The following CTNNA3 variants were observed in gnomAD, a reference collection of about 807,000 sequenced individuals.
CTNNA3 encodes the protein catenin alpha 3.
In CTNNA3, 76 loss-of-function variants were observed where a neutral mutation model predicts 95.7. The ratio of observed to expected loss-of-function variants is 0.79; its 90% CI spans 0.66 to 0.96. The LOEUF is 0.96. Ranked by LOEUF, CTNNA3 falls within the 40% of genes least tolerant of loss-of-function variation. The probability of loss-of-function intolerance (pLI) is 0.00; values close to 1 mark genes in which losing one functional copy is unlikely to be tolerated. For missense variants in CTNNA3, 1,191 were observed against 1,089.8 expected (o/e 1.09, Z -1.31); for synonymous variants, 431 against 374.4 (o/e 1.15, Z -1.74).
intron 1 of CTNNA3, among the ~76,000 whole-genome samples, chr10:67,710,411 G>A (rs1841100943): frequency 6.6e-6 from 1 of 152,180 alleles, no homozygotes; most frequent in Non-Finnish European, 1.5e-5. Flanking sequence ...TATCCCCATT[G>A]TTACTTATTC....
chr10:67,070,721 T>C (rs1274623187), intron 7 of CTNNA3, among the ~76,000 whole-genome samples: 2 of 150,618 alleles, frequency 1.3e-5, no homozygotes, highest in Non-Finnish European at 3.0e-5. Context: ...CACTCCAGCC[T>C]GGCAACAGAG....
intron 6 of CTNNA3, among the ~76,000 whole-genome samples, chr10:67,194,986 T>C (rs1453987098): frequency 4.6e-5 from 7 of 151,984 alleles, no homozygotes; most frequent in Admixed American, 3.9e-4. Flanking sequence ...CTATAAGGAA[T>C]CTGTACTCCA....
intron 1 of CTNNA3, among the ~76,000 whole-genome samples, chr10:67,714,701 G>A (rs1237918423): frequency 6.6e-6 from 1 of 152,186 alleles, no homozygotes; most frequent in Non-Finnish European, 1.5e-5. Flanking sequence ...GGCCAGGGGT[G>A]AAATAATATG....
At chr10:66,958,437 T>C (rs1319008058) in intron 7 of CTNNA3, among the ~76,000 whole-genome samples, 1 of 142,070 alleles carries the variant, frequency 7.0e-6, no homozygotes, top group Non-Finnish European at 1.5e-5. Flanking sequence ...ACTATAGTTC[T>C]GCCTTTGTAG....
intron 13 of CTNNA3, among the ~76,000 whole-genome samples, chr10:66,169,760 T>A (rs1364935640): frequency 6.6e-6 from 1 of 152,230 alleles, no homozygotes; most frequent in Non-Finnish European, 1.5e-5. Context: ...GATTTGCATT[T>A]CCCTGATCAT....
chr10:66,517,445 C>A (rs891393355), intron 11 of CTNNA3, among the ~76,000 whole-genome samples: 1 of 152,012 alleles, frequency 6.6e-6, no homozygotes, highest in Non-Finnish European at 1.5e-5. Context: ...AAGAAGCCGG[C>A]TAAATCCTAC....
chr10:66,743,471 G>C (rs1849394717), intron 9 of CTNNA3, among the ~76,000 whole-genome samples: 1 of 152,062 alleles, frequency 6.6e-6, no homozygotes, highest in South Asian at 2.1e-4. Flanking sequence ...GACTTTATCT[G>C]GGTTTATCTG....
chr10:66,646,442 A>G lies in CTNNA3; in HGVS notation c.1282-24658T>C, dbSNP rs543642814. Among the ~76,000 whole-genome samples, 3 of 152,264 alleles carry G rather than the reference A, an allele frequency of 2.0e-5. No homozygotes were observed. The South Asian group carries it at 6.2e-4, about 32-fold the overall frequency. On this transcript the variant is annotated intron_variant, in intron 9 of 17. Transcript: ENST00000433211. ...ATAGAAGTGTCAATTTTATTATAATAGTGCTGACCTTTTTTGGGGCAAGTG... is the reference window on the plus strand; with the variant it reads ...ATAGAAGTGTCAATTTTATTATAATGGTGCTGACCTTTTTTGGGGCAAGTG...
chr10:66,252,707 C>T (rs1461863971), intron 13 of CTNNA3, among the ~76,000 whole-genome samples: 3 of 152,000 alleles, frequency 2.0e-5, no homozygotes, highest in Non-Finnish European at 4.4e-5. Context: ...TAAAGTGAAG[C>T]GGGTCTAGTG....
Position 66,479,805 on chromosome 10 carries a change from G to A in CTNNA3, c.1531+40812C>T, listed in dbSNP as rs976662689. 1.3e-4 allele frequency among the ~76,000 whole-genome samples: 19 copies of A among 151,806 alleles called. No individual in the cohort carries two copies. In the East Asian group the frequency reaches 2.7e-3, roughly 22 times the overall value. ...TTTTGAGTATTGTTTATTCTTTTTC[G>A]AAATACTTTAGCTGAATTTGTTATC... On this transcript the variant is annotated intron_variant, in intron 11 of 17. Coordinates refer to ENST00000433211, the MANE Select transcript of CTNNA3 (RefSeq NM_013266.4).
chr10:66,733,783 T>C (rs974545844), intron 9 of CTNNA3, among the ~76,000 whole-genome samples: 3 of 151,716 alleles, frequency 2.0e-5, no homozygotes, highest in Admixed American at 1.3e-4. Context: ...ACATCTATTT[T>C]CTATTAAGAT....
At chr10:66,049,499 G>T (rs1328642730) in intron 15 of CTNNA3, among the ~76,000 whole-genome samples, 1 of 152,122 alleles carries the variant, frequency 6.6e-6, no homozygotes, top group East Asian at 1.9e-4. Context: ...AATGTTCATT[G>T]CAGCACTATT....
At chr10:66,725,399 C>T (rs1295241805) in intron 9 of CTNNA3, among the ~76,000 whole-genome samples, 2 of 152,030 alleles carry the variant, frequency 1.3e-5, no homozygotes, top group Non-Finnish European at 2.9e-5. Context: ...ACCTGGATTG[C>T]TGATGTGGGG....
At chr10:66,650,856 T>G (rs1435713474) in intron 9 of CTNNA3, among the ~76,000 whole-genome samples, 1 of 152,040 alleles carries the variant, frequency 6.6e-6, no homozygotes, top group East Asian at 1.9e-4. Flanking sequence ...ATAAAGGCGG[T>G]GCAGACCCAA....
At chr10:66,693,816 A>C (rs1847654133) in intron 9 of CTNNA3, among the ~76,000 whole-genome samples, 1 of 152,150 alleles carries the variant, frequency 6.6e-6, no homozygotes, top group Non-Finnish European at 1.5e-5. Flanking sequence ...CTCACTCAAA[A>C]CCACTCAACT....
intron 9 of CTNNA3, among the ~76,000 whole-genome samples, chr10:66,651,909 G>C (rs1845920570): frequency 6.6e-6 from 1 of 152,016 alleles, no homozygotes; most frequent in African/African-American, 2.4e-5. Context: ...CGGCTAAAAG[G>C]CTCCTCAAAT....
At chr10:66,334,456 T>G (rs1354384866) in intron 12 of CTNNA3, among the ~76,000 whole-genome samples, 1 of 151,818 alleles carries the variant, frequency 6.6e-6, no homozygotes, top group Non-Finnish European at 1.5e-5. Context: ...AGTGTTTGCT[T>G]GTCTGTAAAG....
intron 7 of CTNNA3, among the ~76,000 whole-genome samples, chr10:66,844,388 A>G (rs771292288): frequency 6.6e-6 from 1 of 152,278 alleles, no homozygotes; most frequent in East Asian, 1.9e-4. Context: ...AGAGTAGCCT[A>G]TTGATTGGTG....
rs944218681 is a variant in CTNNA3 at position 67,675,287 on chromosome 10, C to A, written c.-6+20713G>T. 2.0e-5 allele frequency among the ~76,000 whole-genome samples: 3 copies of A among 151,964 alleles called. No homozygotes were observed. The East Asian group carries it at 5.8e-4, about 29-fold the overall frequency. On this transcript the variant is annotated intron_variant, in intron 1 of 17. Coordinates refer to ENST00000433211, the MANE Select transcript of CTNNA3 (RefSeq NM_013266.4). Reference sequence around the variant, plus strand: ...TGACAATAACACCATATAAAAAAAACTACCACTGAGGTTTAGAACTCAGTG... The same window carrying A: ...TGACAATAACACCATATAAAAAAAAATACCACTGAGGTTTAGAACTCAGTG...
Sources: gnomAD v4.1 joint callset for allele counts (sites outside exome capture counted in the v4.1 genomes callset) on GRCh38, gnomAD v4.1.1 for gene constraint, MANE v1.5 for transcripts, NCBI Gene and HGNC (gene_info 2026-07-23, HGNC 2026-07-21) for gene names.